GNA14: variants seen among roughly 807,000 people sequenced by gnomAD.
The protein encoded by GNA14 is G protein subunit alpha 14, also known as guanine nucleotide-binding protein subunit alpha-14.
Under a neutral mutation model 42.0 loss-of-function variants are expected in GNA14, and 50 were observed. The observed-to-expected ratio is 1.19, with a 90% CI of 0.95 to 1.51. The LOEUF (loss-of-function observed/expected upper bound fraction) is 1.51. Among genes scored for constraint, GNA14 ranks in the 40% most tolerant of loss-of-function variants. The pLI is 0.00. For missense variants in GNA14, 473 were observed against 446.2 expected (o/e 1.06, Z -0.54); for synonymous variants, 173 against 163.1 (o/e 1.06, Z -0.46).
intron 1 of GNA14, among the ~76,000 whole-genome samples, chr9:77,583,313 TGA>T (rs946049688): frequency 6.6e-6 from 1 of 152,164 alleles, no homozygotes; most frequent in Non-Finnish European, 1.5e-5. Flanking sequence ...CCCGAGGTCA[TGA>T]GAGCTTCAGC....
intron 2 of GNA14, among the ~76,000 whole-genome samples, chr9:77,511,732 T>C (rs1837173943): frequency 6.6e-6 from 1 of 152,246 alleles, no homozygotes; most frequent in Admixed American, 6.5e-5. Flanking sequence ...CCCACCTCCA[T>C]GTCTGCCTCT....
intron 1 of GNA14, among the ~76,000 whole-genome samples, chr9:77,591,336 G>A (rs1225297290): frequency 6.6e-6 from 1 of 152,178 alleles, no homozygotes; most frequent in Non-Finnish European, 1.5e-5. Context: ...AAATCTTTGA[G>A]TATCTGGTGT....
chr9:77,590,090 C>T, intron 1 of GNA14, among the ~76,000 whole-genome samples: 1 of 152,000 alleles, frequency 6.6e-6, no homozygotes, highest in Non-Finnish European at 1.5e-5. Context: ...CTAATTTTTG[C>T]ATTTTTAGTA....
intron 2 of GNA14, among the ~76,000 whole-genome samples, chr9:77,497,392 C>T (rs1340990414): frequency 3.3e-5 from 5 of 152,284 alleles, no homozygotes; most frequent in Non-Finnish European, 7.4e-5. Context: ...CATAATTCCT[C>T]TAGATCCTAG....
chr9:77,516,562 C>A (rs1422149943), intron 2 of GNA14, among the ~76,000 whole-genome samples: 1 of 152,120 alleles, frequency 6.6e-6, no homozygotes, highest in African/African-American at 2.4e-5. Flanking sequence ...CACATCTCCA[C>A]TAAAAATACA....
Position 77,515,213 on chromosome 9 carries a change from A to G in GNA14, c.309+13856T>C, listed in dbSNP as rs567752258. On this transcript the variant is annotated intron_variant, in intron 2 of 6. Transcript: ENST00000341700. ...TGGCAAACTGGCCTGCATCTATGTCAGGCACTGCAGCTACAAAGGTGGGGA... is the reference window on the plus strand; with the variant it reads ...TGGCAAACTGGCCTGCATCTATGTCGGGCACTGCAGCTACAAAGGTGGGGA... 3.3e-5 allele frequency among the ~76,000 whole-genome samples: 5 copies of G among 152,308 alleles called. No homozygotes were observed. In the East Asian group the frequency reaches 9.7e-4, roughly 29 times the overall value.
chr9:77,609,338 C>T (rs1823692984), intron 1 of GNA14, among the ~76,000 whole-genome samples: 1 of 152,150 alleles, frequency 6.6e-6, no homozygotes, highest in Non-Finnish European at 1.5e-5. Context: ...ATATTTCTAC[C>T]AGCATTGCAT....
In GNA14 at chr9:77,429,003, T is replaced by C; in HGVS notation, c.627A>G (p.Arg209=). ...MVDVGGQRSE[R]RKWIHCFESV... is the part of the protein sequence containing the mutation. ...TCTCAAAGCAGTGAATCCACTTCCG[T>C]CTTTCCGATCGTTGGCCACCAACAT... is the stretch of plus-strand genomic sequence containing the variant. Residue 209 remains arginine (R), a synonymous_variant, in exon 5 of 7, where the codon AGA becomes AGG. Coordinates refer to ENST00000341700, the MANE Select transcript of GNA14 (RefSeq NM_004297.4). 1 of 1,614,056 alleles carries C rather than the reference T, an allele frequency of 6.2e-7. No individual in the cohort carries two copies. The highest frequency in any genetic ancestry group is 1.1e-5 in the South Asian group (1 of 91,074).
rs1359738355 is a variant in GNA14, at chr9:77,647,998, A to G, written c.-205T>C. The G allele has an allele frequency of 2.1e-5, 12 of 581,106 alleles. No homozygotes were observed. Among genetic ancestry groups the G allele is most frequent in the Admixed American group, 3.5e-5 (1 of 28,784 alleles). 36.0% of individuals were successfully genotyped at this position (581,106 alleles called of 1,614,324 possible). On this transcript the variant is annotated 5_prime_UTR_variant, in exon 1 of 7. Transcript: ENST00000341700. ...CGGCTCTGAGGCGGGGTGAATGCCG[A>G]GCGCTGGGAACGCTCGAGTGCACCC...
chr9:77,430,889 A>T (rs372590337), intron 4 of GNA14, among the ~76,000 whole-genome samples: 1 of 152,086 alleles, frequency 6.6e-6, no homozygotes, highest in East Asian at 1.9e-4. Flanking sequence ...GTTTTCATAC[A>T]CATTTTTTGT....
chr9:77,562,720 T>C (rs1391479700), intron 1 of GNA14, among the ~76,000 whole-genome samples: 2 of 152,224 alleles, frequency 1.3e-5, no homozygotes, highest in Non-Finnish European at 2.9e-5. Context: ...ACCTTCTTGA[T>C]ATGATAACCT....
chr9:77,578,060 G>T (rs2131799987), intron 1 of GNA14, among the ~76,000 whole-genome samples: 1 of 151,166 alleles, frequency 6.6e-6, no homozygotes, highest in East Asian at 1.9e-4. Flanking sequence ...GAGGTCAAGA[G>T]ATCGAGACCA....
At chr9:77,536,372 C>G (rs1012283674) in intron 1 of GNA14, among the ~76,000 whole-genome samples, 1 of 152,022 alleles carries the variant, frequency 6.6e-6, no homozygotes, top group Non-Finnish European at 1.5e-5. Flanking sequence ...GTGAGAGAGA[C>G]AAGAGTCTCG....
intron 6 of GNA14, among the ~76,000 whole-genome samples, chr9:77,425,208 G>A (rs984670870): frequency 6.6e-6 from 1 of 152,148 alleles, no homozygotes; most frequent in Non-Finnish European, 1.5e-5. Context: ...GCAGGGGTTA[G>A]GCTGCTGAGG....
chr9:77,517,444 T>C (rs994733045), intron 2 of GNA14: 1 of 151,534 alleles, frequency 6.6e-6, no homozygotes, highest in Admixed American at 6.6e-5. Context: ...CAAAAATAGG[T>C]ATAAAGTGCC....
intron 2 of GNA14, among the ~76,000 whole-genome samples, chr9:77,438,773 C>G (rs989507675): frequency 6.6e-6 from 1 of 152,048 alleles, no homozygotes; most frequent in Non-Finnish European, 1.5e-5. Flanking sequence ...CCAACACACA[C>G]AGTTACATTT....
At chr9:77,485,289 TAAG>T in intron 2 of GNA14, among the ~76,000 whole-genome samples, 1 of 152,326 alleles carries the variant, frequency 6.6e-6, no homozygotes, top group Admixed American at 6.5e-5. Flanking sequence ...TGCTCATCCA[TAAG>T]AAGGAACTCC....
chr9:77,562,172 TTA>T (rs1433886443), intron 1 of GNA14, among the ~76,000 whole-genome samples: 1 of 152,190 alleles, frequency 6.6e-6, no homozygotes, highest in Non-Finnish European at 1.5e-5. Context: ...CTCATGGAAA[TTA>T]TATGAGTCAG....
rs369838738 is a variant in GNA14 at position 77,612,100 on chromosome 9, A to G, written c.124+35570T>C. 4.6e-5 allele frequency among the ~76,000 whole-genome samples: 7 copies of G among 152,332 alleles called. No homozygotes were observed. The East Asian group carries it at 1.2e-3, about 25-fold the overall frequency. ...ATACTAGAAACTAGGCTAAAGATCT[A>G]CATCTATTATTTGGTTTTACAAATA... On this transcript the variant is annotated intron_variant, in intron 1 of 6. Transcript: ENST00000341700.
Sources: gnomAD v4.1 joint callset for allele counts (sites outside exome capture counted in the v4.1 genomes callset) on GRCh38, gnomAD v4.1.1 for gene constraint, MANE v1.5 for transcripts, NCBI Gene and HGNC (gene_info 2026-07-23, HGNC 2026-07-21) for gene names.